Variants in RBM28 observed in about 807,000 individuals in gnomAD.
RBM28 encodes the protein RNA binding motif protein 28, also known as RNA-binding protein 28.
RBM28 carries 78 observed loss-of-function variants against 98.3 expected under a neutral mutation model. That is an observed-to-expected ratio of 0.79 (90% confidence interval 0.66 to 0.96). RBM28 has a LOEUF of 0.96. Among genes scored for constraint, RBM28 ranks in the 40% least tolerant of loss-of-function variants. The pLI is 0.00. For missense variants in RBM28, 838 were observed against 913.0 expected, an observed-to-expected ratio of 0.92 and a Z score of 1.06; for synonymous variants, 306 against 330.9, an observed-to-expected ratio of 0.92 and a Z score of 0.82.
intron 10 of RBM28, among the ~76,000 whole-genome samples, chr7:128,327,789 T>C (rs1202631915): frequency 6.6e-6 from 1 of 152,220 alleles, no homozygotes; most frequent in Non-Finnish European, 1.5e-5. Flanking sequence ...TGTGAGCCAC[T>C]GCACCCGGTC....
intron 9 of RBM28, 74 bp from the exon 10 acceptor site, chr7:128,331,002 A>C (rs909626938): frequency 2.0e-6 from 2 of 1,001,606 alleles, no homozygotes; most frequent in African/African-American, 3.2e-5. Context: ...GGACAATGTA[A>C]GTGAGTTAGA....
At chr7:128,318,673 A>T (rs1425012917) in intron 14 of RBM28, among the ~76,000 whole-genome samples, 1 of 152,210 alleles carries the variant, frequency 6.6e-6, no homozygotes, top group African/African-American at 2.4e-5. Context: ...AAAAGCACAT[A>T]AACAAAACTT....
chr7:128,311,049 G>C (rs1795972651), intron 18 of RBM28, 118 bp from the exon 19 acceptor site: 3 of 1,038,032 alleles, frequency 2.9e-6, no homozygotes, highest in Non-Finnish European at 4.4e-6. Flanking sequence ...TACCAGAAAG[G>C]GGTAGGTTTC....
chr7:128,325,752 C>T, intron 11 of RBM28, 66 bp downstream of exon 11: 5 of 1,046,182 alleles, frequency 4.8e-6, no homozygotes, highest in Non-Finnish European at 7.5e-6. Flanking sequence ...TGTATAAATA[C>T]CAGATGTTGC....
chr7:128,328,481 T>C (rs983523511), intron 10 of RBM28, among the ~76,000 whole-genome samples: 1 of 152,146 alleles, frequency 6.6e-6, no homozygotes, highest in Non-Finnish European at 1.5e-5. Flanking sequence ...GCAAAAAAGG[T>C]ATCAGAAAAA....
rs770542878 is a variant in RBM28, at chr7:128,314,834, C to T, written c.1975G>A (p.Val659Met). ...CTCTTCTTTCCATCAGGCAGCTCCA[C>T]CTGCTCCACTTCAGCCTTGGTCTGG... is the stretch of plus-strand genomic sequence containing the variant. ...GFQTKAEVEQ[V>M]ELPDGKKRRK... Residue 659 changes from valine (V) to methionine (M), a missense_variant, in exon 17 of 19, where the codon GTG becomes ATG. Val to Met is a conservative substitution (Grantham distance 21, BLOSUM62 1). Transcript: ENST00000223073. 1.2e-6 allele frequency: 2 copies of T among 1,614,208 alleles called. No homozygotes were observed. Among genetic ancestry groups the T allele is most frequent in the South Asian group, 2.2e-5 (2 of 91,084 alleles).
chr7:128,326,419 T>C (rs770180609), intron 10 of RBM28, among the ~76,000 whole-genome samples: 2 of 152,122 alleles, frequency 1.3e-5, no homozygotes, highest in African/African-American at 4.8e-5. Context: ...CCCTATACAG[T>C]TGTACCATTT....
At chr7:128,342,349 G>A (rs1480315085) in intron 1 of RBM28, among the ~76,000 whole-genome samples, 1 of 152,156 alleles carries the variant, frequency 6.6e-6, no homozygotes, top group African/African-American at 2.4e-5. Context: ...CTTTCAAAAC[G>A]AATGCCAGAT....
chr7:128,338,186 A>T, intron 5 of RBM28, 64 bp downstream of exon 5: 1 of 1,197,958 alleles, frequency 8.3e-7, no homozygotes, highest in Non-Finnish European at 1.2e-6. Flanking sequence ...AAAGTGGGTT[A>T]CTACACTAAT....
Position 128,307,114 on chromosome 7 carries a change from A to C in RBM28, c.*3683T>G, listed in dbSNP as rs1795882108. 1 of 152,242 alleles carries C rather than the reference A, an allele frequency of 6.6e-6. No individual in the cohort carries two copies. Among genetic ancestry groups the C allele is most frequent in the African/African-American group, 2.4e-5 (1 of 41,470 alleles). The allele number at this position is 152,242 out of a possible 1,614,324, so 9.4% of individuals were successfully genotyped here. On this transcript the variant is annotated 3_prime_UTR_variant, in exon 19 of 19. Coordinates refer to ENST00000223073, the MANE Select transcript of RBM28 (RefSeq NM_018077.3). Reference sequence around the variant, plus strand: ...AAGGAGCTGGGCATCATCAAACTGCAAACAAACTTAGCTTAGGCACCCACA... The same window carrying C: ...AAGGAGCTGGGCATCATCAAACTGCCAACAAACTTAGCTTAGGCACCCACA...
chr7:128,327,236 G>T (rs181064402), intron 10 of RBM28, among the ~76,000 whole-genome samples: 4 of 152,240 alleles, frequency 2.6e-5, no homozygotes, highest in Non-Finnish European at 5.9e-5. Flanking sequence ...CCTATTAGAG[G>T]ACTAAAAAAT....
Position 128,335,966 on chromosome 7 carries a change from C to G in RBM28, c.690G>C (p.Glu230Asp). 6.2e-7 allele frequency: 1 copy of G among 1,609,462 alleles called. No individual in the cohort carries two copies. The part of the protein sequence containing the change: ...KKGREEEDME[E>D]EENDDDDDDD... Reference sequence around the variant, plus strand: ...CATCGTCATCATCATCGTTTTCTTCCTCTTCCATATCCTCTTCCTCTCTGC... The same window carrying G: ...CATCGTCATCATCATCGTTTTCTTCGTCTTCCATATCCTCTTCCTCTCTGC... The change falls in exon 7 of 19, where the codon GAG becomes GAC. Residue 230 changes from glutamate (E) to aspartate (D), a missense_variant. Glu to Asp is a conservative substitution (Grantham distance 45). Coordinates refer to ENST00000223073, the MANE Select transcript of RBM28 (RefSeq NM_018077.3).
At chr7:128,328,710 A>G (rs1435098755) in intron 10 of RBM28, among the ~76,000 whole-genome samples, 1 of 152,218 alleles carries the variant, frequency 6.6e-6, no homozygotes, top group Non-Finnish European at 1.5e-5. Flanking sequence ...CTAACTTGGA[A>G]CATTCTATGC....
intron 16 of RBM28, among the ~76,000 whole-genome samples, chr7:128,316,281 C>CT (rs1320700838): frequency 6.6e-6 from 1 of 152,200 alleles, no homozygotes; most frequent in Non-Finnish European, 1.5e-5. Flanking sequence ...GGCCTTATAT[C>CT]TTTTGAGAGA....
intron 12 of RBM28, 55 bp from the exon 13 acceptor site, chr7:128,323,646 A>G (rs1796284775): frequency 8.2e-6 from 13 of 1,589,118 alleles, no homozygotes; most frequent in South Asian, 4.4e-5. Context: ...TCACTGAGCA[A>G]CAAGAGGAAT....
At position 128,343,668 on chromosome 7, in the gene RBM28, G is replaced by T. The variant is rs752346192; in HGVS notation, c.118+8C>A. 3 of 1,597,834 alleles carry T rather than the reference G, an allele frequency of 1.9e-6. No homozygotes were observed. Among genetic ancestry groups the T allele is most frequent in the Non-Finnish European group, 1.7e-6 (2 of 1,170,126 alleles). The stretch of plus-strand genomic sequence containing the variant: ...CCCCAGCCCTATCCTCGACCGCCCC[G>T]CCCCTACCTTTTTCAGTCACCACGA... On this transcript the variant is annotated splice_region_variant and intron_variant, in intron 1 of 18. Transcript: ENST00000223073.
intron 16 of RBM28, 68 bp downstream of exon 16, chr7:128,317,591 A>T: frequency 8.1e-7 from 1 of 1,230,968 alleles, no homozygotes; most frequent in Non-Finnish European, 1.2e-6. Flanking sequence ...CTAAGAGAGC[A>T]GAAGCACAAA....
Position 128,301,998 on chromosome 7 carries a change from G to GT in RBM28, c.*8798dup, listed in dbSNP as rs1350316526. The GT allele has an allele frequency of 6.6e-6, 1 of 152,206 alleles. No individual in the cohort carries two copies. Among genetic ancestry groups the GT allele is most frequent in the East Asian group, 1.9e-4 (1 of 5,192 alleles). 9.4% of individuals were successfully genotyped at this position (152,206 alleles called of 1,614,324 possible). A position where few individuals can be genotyped will look rare whatever the true frequency, so the allele number is the denominator to read the frequency against. On this transcript the variant is annotated 3_prime_UTR_variant, in exon 19 of 19. Coordinates refer to ENST00000223073, the MANE Select transcript of RBM28 (RefSeq NM_018077.3). Reference sequence around the variant, plus strand: ...TCACTGAAGGTCTGCAAGCAGAGGGGTAAGGGACTGTTTGCCTCCTACAGA... The same window carrying GT: ...TCACTGAAGGTCTGCAAGCAGAGGGGTTAAGGGACTGTTTGCCTCCTACAGA...
At chr7:128,336,148 G>T in intron 6 of RBM28, 106 bp from the exon 7 acceptor site, 1 of 1,114,680 alleles carries the variant, frequency 9.0e-7, no homozygotes, top group Non-Finnish European at 1.3e-6. Context: ...CGGTTTTACA[G>T]AATTTCGTAT....
Sources: allele counts gnomAD v4.1 joint callset (sites outside exome capture counted in the v4.1 genomes callset), GRCh38; gene constraint gnomAD v4.1.1; transcripts MANE v1.5; gene names NCBI Gene and HGNC (gene_info 2026-07-23, HGNC 2026-07-21).